ZFHX2: variants seen among roughly 807,000 people sequenced by gnomAD.
The protein encoded by ZFHX2 is zinc finger homeobox 2, also known as zinc finger homeobox protein 2.
A neutral mutation model predicts 164.8 loss-of-function variants in ZFHX2; 75 were observed. The ratio of observed to expected loss-of-function variants is 0.46; its 90% CI spans 0.38 to 0.55. The LOEUF is 0.55. Ranked by LOEUF, ZFHX2 falls within the 20% of genes least tolerant of loss-of-function variation. The probability of loss-of-function intolerance (pLI) is 0.00; values close to 1 mark genes in which losing one functional copy is unlikely to be tolerated. For synonymous variants in ZFHX2, 1,217 were observed against 1,351.4 expected, an observed-to-expected ratio of 0.90 and a Z score of 2.18; for missense variants, 2,933 against 3,308.0, an observed-to-expected ratio of 0.89 and a Z score of 2.78.
rs768360902 is a variant in ZFHX2, at chr14:23,534,364, G to T, written c.962C>A (p.Thr321Lys). Residue 321 changes from threonine (T) to lysine (K), a missense_variant, in exon 2 of 10, where the codon ACA (threonine) becomes AAA (lysine). Thr to Lys is a moderately conservative substitution (Grantham distance 78, BLOSUM62 -1). Transcript: ENST00000419474. The surrounding 1 kb of genome is among the most constrained non-coding windows in gnomAD (Gnocchi z 4.5). ...TTCTGCCTCAGGGGGGCCATCCTCT[G>T]TCTGGGCCACATTCGCCTCCATGTT... ...TVNMEANVAQ[T>K]EDGPPEAEVQ... is the part of the protein sequence containing the mutation. The T allele has an allele frequency of 1.3e-6, 2 of 1,536,694 alleles. No individual in the cohort carries two copies. Among genetic ancestry groups the T allele is most frequent in the Non-Finnish European group, 1.7e-6 (2 of 1,147,042 alleles).
chr14:23,536,524 A>C (rs1880158875), intron 1 of ZFHX2, among the ~76,000 whole-genome samples: 1 of 152,208 alleles, frequency 6.6e-6, no homozygotes, highest in African/African-American at 2.4e-5. Flanking sequence ...TCCTCCCAAA[A>C]GAGGTAACAA....
chr14:23,545,961 G>A (rs963067263), intron 1 of ZFHX2, among the ~76,000 whole-genome samples: 3 of 152,220 alleles, frequency 2.0e-5, no homozygotes, highest in Admixed American at 6.5e-5. Flanking sequence ...CCTTCACTGA[G>A]AAGCCAAATG....
At chr14:23,552,432 A>G (rs1479171005), upstream of ZFHX2, among the ~76,000 whole-genome samples, 1 of 150,430 alleles carries the variant, frequency 6.6e-6, no homozygotes, top group Non-Finnish European at 1.5e-5. Flanking sequence ...AGCTGGGATT[A>G]CAGGCATGCA....
chr14:23,522,829 G>C lies in ZFHX2; in HGVS notation c.6852C>G (p.Asp2284Glu). Reference protein sequence around the residue: ...GRPLPQRPMPDQTNTSTAGTT... With the variant: ...GRPLPQRPMPEQTNTSTAGTT... Reference sequence around the variant, plus strand: ...TGCCTGCTGTGGAGGTGTTGGTTTGGTCGGGCATGGGTCTCTGAGGTAAGG... The same window carrying C: ...TGCCTGCTGTGGAGGTGTTGGTTTGCTCGGGCATGGGTCTCTGAGGTAAGG... Residue 2284 changes from aspartate to glutamate, a missense_variant, in exon 10 of 10, where the codon GAC (aspartate) becomes GAG (glutamate). By Grantham distance (45) the Asp-to-Glu change is conservative (BLOSUM62 2). Transcript: ENST00000419474. The C allele has an allele frequency of 6.5e-7, 1 of 1,535,132 alleles. No individual in the cohort carries two copies. The highest frequency in any genetic ancestry group is 1.2e-5 in the South Asian group (1 of 83,896).
Position 23,524,842 on chromosome 14 carries a change from C to T in ZFHX2, c.5100G>A (p.Glu1700=), listed in dbSNP as rs975256048. 3.3e-5 allele frequency: 50 copies of T among 1,537,004 alleles called. 1 individual carries two copies. In the Admixed American group the frequency reaches 8.6e-4, roughly 27 times the overall value. ...KKCYDDQTLE[E]EEEEAERGEE... ...CCCCTCTCTCTGCCTCTTCCTCCTC[C>T]TCTTCAAGGGTCTGGTCATCATAGC... is the stretch of plus-strand genomic sequence containing the variant. Residue 1700 remains glutamate, a synonymous_variant, in exon 9 of 10, where the codon GAG becomes GAA. Coordinates refer to ENST00000419474, the MANE Select transcript of ZFHX2 (RefSeq NM_033400.3). This position sits in a 1 kb window ranked among gnomAD's most constrained non-coding sequence, Gnocchi z 5.6.
chr14:23,533,947 C>T lies in ZFHX2; in HGVS notation c.1379G>A (p.Trp460Ter). Residue 460 changes from tryptophan (W) to a stop codon, truncating the protein, a stop_gained, in exon 2 of 10, where the codon TGG becomes TAG. Coordinates refer to ENST00000419474, the MANE Select transcript of ZFHX2 (RefSeq NM_033400.3). LOFTEE classifies it high-confidence loss of function. The surrounding 1 kb of genome is among the most constrained non-coding windows in gnomAD (Gnocchi z 4.8). ...CAGGGTCTGCTGGTACTTGTAGTGC[C>T]AGTTGCACTTGGGACACTTGAGTGT... is the stretch of plus-strand genomic sequence containing the variant. ...CKTLKCPKCN[W>*]HYKYQQTLDV... is the part of the protein sequence containing the mutation. 4.6e-6 allele frequency: 7 copies of T among 1,538,020 alleles called. No homozygotes were observed. The highest frequency in any genetic ancestry group is 6.1e-6 in the Non-Finnish European group (7 of 1,147,070).
At chr14:23,543,191 C>T (rs1012976177) in intron 1 of ZFHX2, 2 of 152,220 alleles carry the variant, frequency 1.3e-5, no homozygotes, top group African/African-American at 4.8e-5. Flanking sequence ...GGCCAGGCAC[C>T]GTGCTAGGCC....
chr14:23,528,891 G>A lies in ZFHX2; in HGVS notation c.2934+819C>T, dbSNP rs191007406. ...GCTGGCACCAGTGGCACAGGCCTGT[G>A]TGTCAGGGAGGGGATGACTGTAAAG... is the stretch of plus-strand genomic sequence containing the variant. On this transcript the variant is annotated intron_variant, in intron 6 of 9. Coordinates refer to ENST00000419474, the MANE Select transcript of ZFHX2 (RefSeq NM_033400.3). 6.6e-3 allele frequency: 6,239 copies of A among 944,364 alleles called. 47 individuals are homozygous for A. Among genetic ancestry groups the A allele is most frequent in the South Asian group, 0.029 (590 of 20,494 alleles). 58.5% of individuals were successfully genotyped at this position (944,364 alleles called of 1,614,324 possible).
rs1280090718 is a variant in ZFHX2, at chr14:23,522,859, G to T, written c.6822C>A (p.Gly2274=). 3 of 1,523,586 alleles carry T rather than the reference G, an allele frequency of 2.0e-6. No homozygotes were observed. The highest frequency in any genetic ancestry group is 2.4e-5 in the South Asian group (2 of 81,794). The allele number at this position is 1,523,586 out of a possible 1,614,324, so 94.4% of individuals were successfully genotyped here. A position where few individuals can be genotyped will look rare whatever the true frequency, so the allele number is the denominator to read the frequency against. ...TTTVVQTAGP[G]RPLPQRPMPD... The stretch of plus-strand genomic sequence containing the variant: ...GCATGGGTCTCTGAGGTAAGGGGCG[G>T]CCTGGGCCAGCAGTCTGGACCACTG... Residue 2274 remains glycine (G), a synonymous_variant, in exon 10 of 10, where the codon GGC becomes GGA. Coordinates refer to ENST00000419474, the MANE Select transcript of ZFHX2 (RefSeq NM_033400.3).
Position 23,522,886 on chromosome 14 carries a change from G to A in ZFHX2, c.6795C>T (p.Thr2265=), listed in dbSNP as rs531649730. ...LGLATSVLPT[T]TVVQTAGPGR... ...CTGGGCCAGCAGTCTGGACCACTGT[G>A]GTGGTAGGCAGGACCGAAGTGGCGA... The change falls in exon 10 of 10, where the codon ACC becomes ACT. Residue 2265 remains threonine, a synonymous_variant. Transcript: ENST00000419474. 3.0e-5 allele frequency: 45 copies of A among 1,492,352 alleles called. No homozygotes were observed. The South Asian group carries it at 5.1e-4, about 17-fold the overall frequency. 92.4% of individuals were successfully genotyped at this position (1,492,352 alleles called of 1,614,324 possible). A position where few individuals can be genotyped will look rare whatever the true frequency, so the allele number is the denominator to read the frequency against.
chr14:23,531,356 T>G, intron 4 of ZFHX2, 125 bp downstream of exon 4: 2 of 1,272,928 alleles, frequency 1.6e-6, no homozygotes, highest in Non-Finnish European at 2.0e-6. Context: ...CTTCTTCCCA[T>G]TTAGTATAGG....
rs1368294164 is a variant in ZFHX2, at chr14:23,525,879, G to C, written c.4063C>G (p.Leu1355Val). The change falls in exon 9 of 10, where the codon CTG (leucine) becomes GTG (valine). Residue 1355 changes from leucine to valine, a missense_variant. Transcript: ENST00000419474. This position sits in a 1 kb window ranked among gnomAD's most constrained non-coding sequence, Gnocchi z 5.9. ...LPPFPLVPES[L>V]LKLQQQQLLL... ...AGCTGCTGCTGCTGGAGCTTAAGCA[G>C]TGATTCGGGCACCAGAGGGAAGGGG... The C allele has an allele frequency of 1.4e-6, 2 of 1,458,334 alleles. No homozygotes were observed. The highest frequency in any genetic ancestry group is 9.0e-7 in the Non-Finnish European group (1 of 1,110,842). The allele number at this position is 1,458,334 out of a possible 1,614,324, so 90.3% of individuals were successfully genotyped here. A position where few individuals can be genotyped will look rare whatever the true frequency, so the allele number is the denominator to read the frequency against.
chr14:23,523,554 C>A lies in ZFHX2; in HGVS notation c.6388G>T (p.Ala2130Ser). Residue 2130 changes from alanine (A) to serine (S), a missense_variant, in exon 9 of 10, where the codon GCT (alanine) becomes TCT (serine). Transcript: ENST00000419474. The surrounding 1 kb of genome is among the most constrained non-coding windows in gnomAD (Gnocchi z 4.1). ...EKKAKLQGTA[A>S]GSTGGSSEGL... is the part of the protein sequence containing the mutation. ...TCACTGCTGCCCCCAGTGCTCCCAG[C>A]GGCTGTCCCCTGTAGTTTGGCCTTC... The A allele has an allele frequency of 2.0e-6, 3 of 1,537,290 alleles. No homozygotes were observed. The highest frequency in any genetic ancestry group is 2.6e-6 in the Non-Finnish European group (3 of 1,147,136).
intron 1 of ZFHX2, among the ~76,000 whole-genome samples, chr14:23,538,867 T>G (rs1253139660): frequency 6.6e-6 from 1 of 151,802 alleles, no homozygotes; most frequent in Admixed American, 6.6e-5. Context: ...GTGCTGTGAT[T>G]AGAGAGGAGA....
rs1291276108 is a variant in ZFHX2, at chr14:23,550,922, T to A, written c.-50+421A>T. 4.0e-5 allele frequency among the ~76,000 whole-genome samples: 6 copies of A among 151,186 alleles called. No homozygotes were observed. The East Asian group carries it at 9.8e-4, about 25-fold the overall frequency. On this transcript the variant is annotated intron_variant, in intron 1 of 9. Coordinates refer to ENST00000419474, the MANE Select transcript of ZFHX2 (RefSeq NM_033400.3). ...GGGGGGCCGCCGAGACCCAGGACCC[T>A]CCAGGCTGACAGCTCTGAGCCCTCA... is the stretch of plus-strand genomic sequence containing the variant.
chr14:23,524,537 G>T lies in ZFHX2; in HGVS notation c.5405C>A (p.Pro1802His), dbSNP rs761147054. The T allele has an allele frequency of 2.6e-5, 40 of 1,527,206 alleles. No individual in the cohort carries two copies. Among genetic ancestry groups the T allele is most frequent in the East Asian group, 7.3e-5 (3 of 40,848 alleles). 94.6% of individuals were successfully genotyped at this position (1,527,206 alleles called of 1,614,324 possible). Residue 1802 changes from proline to histidine, a missense_variant, in exon 9 of 10, where the codon CCC (proline) becomes CAC (histidine). Transcript: ENST00000419474. This position sits in a 1 kb window ranked among gnomAD's most constrained non-coding sequence, Gnocchi z 5.6. ...FLPSLQPSAP[P>H]QLLDLPLLVF... Reference sequence around the variant, plus strand: ...CAGCAAGGGCAGATCTAGGAGTTGGGGGGGAGCACTGGGCTGCAGAGATGG... The same window carrying T: ...CAGCAAGGGCAGATCTAGGAGTTGGTGGGGAGCACTGGGCTGCAGAGATGG...
Position 23,532,830 on chromosome 14 carries a change from C to A in ZFHX2, c.2296G>T (p.Gly766Cys), listed in dbSNP as rs1282390784. 5.9e-6 allele frequency: 9 copies of A among 1,536,554 alleles called. No homozygotes were observed. The East Asian group carries it at 2.2e-4, about 38-fold the overall frequency. ...DTHRCKLCCY[G>C]TQLKANFQLH... ...TGGAAGTTGGCCTTGAGCTGGGTGC[C>A]ATAGCAGCAAAGCTTGCAGCGGTGG... Residue 766 changes from glycine (G) to cysteine (C), a missense_variant, in exon 3 of 10, where the codon GGC (glycine) becomes TGC (cysteine). Gly to Cys is a radical substitution (Grantham distance 159). Transcript: ENST00000419474.
chr14:23,535,935 T>C lies in ZFHX2; in HGVS notation c.-49-561A>G, dbSNP rs556915977. 1.8e-4 allele frequency among the ~76,000 whole-genome samples: 27 copies of C among 152,208 alleles called. No individual in the cohort carries two copies. The highest frequency in any genetic ancestry group is 6.5e-4 in the Admixed American group (10 of 15,276). On this transcript the variant is annotated intron_variant, in intron 1 of 9. Transcript: ENST00000419474. This position sits in a 1 kb window ranked among gnomAD's most constrained non-coding sequence, Gnocchi z 4.5. Reference sequence around the variant, plus strand: ...CCCTGAACCTGCTCCTCCCCATCTTTCCTATCTCCAAAGTTGGTACCAACA... The same window carrying C: ...CCCTGAACCTGCTCCTCCCCATCTTCCCTATCTCCAAAGTTGGTACCAACA...
Position 23,523,888 on chromosome 14 carries a change from T to C in ZFHX2, c.6054A>G (p.Pro2018=). 2 of 1,536,200 alleles carry C rather than the reference T, an allele frequency of 1.3e-6. No homozygotes were observed. Among genetic ancestry groups the C allele is most frequent in the Non-Finnish European group, 1.7e-6 (2 of 1,146,914 alleles). ...CAGAGAGACTGCAAGCCTCACTCTCTGGAGAAGCTTTAGGTGGTTCCTCTG... is the reference window on the plus strand; with the variant it reads ...CAGAGAGACTGCAAGCCTCACTCTCCGGAGAAGCTTTAGGTGGTTCCTCTG... The part of the protein sequence containing the change: ...EGPEEPPKAS[P]ESEACSLSAG... Residue 2018 remains proline, a synonymous_variant, in exon 9 of 10, where the codon CCA becomes CCG. Coordinates refer to ENST00000419474, the MANE Select transcript of ZFHX2 (RefSeq NM_033400.3). The surrounding 1 kb of genome is among the most constrained non-coding windows in gnomAD (Gnocchi z 4.1).
Sources: allele counts gnomAD v4.1 joint callset (sites outside exome capture counted in the v4.1 genomes callset), GRCh38; gene constraint gnomAD v4.1.1; non-coding constraint Gnocchi (gnomAD v3.1); transcripts MANE v1.5; gene names NCBI Gene and HGNC (gene_info 2026-07-23, HGNC 2026-07-21).